The following FHOD3 variants were observed in gnomAD, a reference collection of about 807,000 sequenced individuals.
FHOD3 encodes formin homology 2 domain containing 3.
In FHOD3, 90 loss-of-function variants were observed where a neutral mutation model predicts 173.0. That is an observed-to-expected ratio of 0.52 (90% CI 0.44 to 0.62). FHOD3 has a LOEUF of 0.62. Ranked by LOEUF, FHOD3 falls within the 20% of genes least tolerant of loss-of-function variation. FHOD3 has a pLI of 0.00. For synonymous variants in FHOD3, 828 were observed against 823.0 expected (o/e 1.01, Z -0.10); for missense variants, 1,945 against 2,034.7 (o/e 0.96, Z 0.85).
intron 27 of FHOD3, among the ~76,000 whole-genome samples, chr18:36,762,865 A>T (rs1438433167): frequency 6.8e-6 from 1 of 147,596 alleles, no homozygotes; most frequent in Admixed American, 6.8e-5. Context: ...TATTATATAC[A>T]TAATATATAA....
chr18:36,300,688 T>G (rs139704400), intron 1 of FHOD3, among the ~76,000 whole-genome samples: 4 of 151,956 alleles, frequency 2.6e-5, no homozygotes, highest in Non-Finnish European at 5.9e-5. Context: ...ACACTCAGAG[T>G]GCTCTCAGCT....
chr18:36,456,203 C>A (rs2052202004), intron 3 of FHOD3, among the ~76,000 whole-genome samples: 1 of 152,138 alleles, frequency 6.6e-6, no homozygotes, highest in South Asian at 2.1e-4. Context: ...CCATGGGCCT[C>A]AAACAAATCC....
chr18:36,747,950 C>T (rs1309768971), intron 24 of FHOD3, among the ~76,000 whole-genome samples: 1 of 152,054 alleles, frequency 6.6e-6, no homozygotes, highest in Non-Finnish European at 1.5e-5. Context: ...CTTCTTTCAC[C>T]TTCCTTAAGC....
intron 10 of FHOD3, among the ~76,000 whole-genome samples, chr18:36,649,030 G>A (rs569525605): frequency 6.6e-6 from 1 of 152,226 alleles, no homozygotes; most frequent in East Asian, 1.9e-4. Flanking sequence ...GGGGGTGCAG[G>A]GTAGTGGCAT....
chr18:36,439,432 A>G (rs2050999199), intron 3 of FHOD3, among the ~76,000 whole-genome samples: 1 of 152,144 alleles, frequency 6.6e-6, no homozygotes, highest in Admixed American at 6.6e-5. Context: ...GAATCCTCCC[A>G]CACTCTAGGA....
chr18:36,608,916 T>C (rs957586307), intron 8 of FHOD3, among the ~76,000 whole-genome samples: 1 of 152,220 alleles, frequency 6.6e-6, no homozygotes, highest in African/African-American at 2.4e-5. Flanking sequence ...TGAAGGAGAT[T>C]TGTGTGTTTA....
At chr18:36,610,915 T>C (rs2032609433) in intron 8 of FHOD3, among the ~76,000 whole-genome samples, 1 of 152,250 alleles carries the variant, frequency 6.6e-6, no homozygotes, top group Admixed American at 6.5e-5. Context: ...TCGCTTCCTG[T>C]TGCCTCAGGC....
At chr18:36,465,879 C>T (rs1341968948) in intron 3 of FHOD3, among the ~76,000 whole-genome samples, 1 of 152,098 alleles carries the variant, frequency 6.6e-6, no homozygotes, top group Non-Finnish European at 1.5e-5. Context: ...TTAGATTCTC[C>T]TCCCTCTTCT....
In FHOD3 at chr18:36,779,865, A is replaced by G; in HGVS notation, c.*335A>G. On this transcript the variant is annotated 3_prime_UTR_variant, in exon 29 of 29. Transcript: ENST00000590592. Reference sequence around the variant, plus strand: ...CTTCTGTCACAGTTATTATGGTAATATGAGGCAATCTGATTAGCTTCACAG... The same window carrying G: ...CTTCTGTCACAGTTATTATGGTAATGTGAGGCAATCTGATTAGCTTCACAG... The G allele has an allele frequency of 4.5e-6, 2 of 445,784 alleles. No homozygotes were observed. Among genetic ancestry groups the G allele is most frequent in the Admixed American group, 3.9e-5 (1 of 25,580 alleles). 27.6% of individuals were successfully genotyped at this position (445,784 alleles called of 1,614,324 possible). A position where few individuals can be genotyped will look rare whatever the true frequency, so the allele number is the denominator to read the frequency against.
chr18:36,712,580 A>G (rs947379606), intron 18 of FHOD3, among the ~76,000 whole-genome samples: 2 of 152,180 alleles, frequency 1.3e-5, no homozygotes, highest in Non-Finnish European at 2.9e-5. Context: ...TGAATGACAG[A>G]AAAAAAGAGA....
Position 36,460,997 on chromosome 18 carries a change from C to T in FHOD3, c.338-40935C>T, listed in dbSNP as rs142652613. 2.7e-3 allele frequency among the ~76,000 whole-genome samples: 411 copies of T among 152,224 alleles called. 4 individuals are homozygous for T. The highest frequency in any genetic ancestry group is 9.5e-3 in the African/African-American group (396 of 41,524). On this transcript the variant is annotated intron_variant, in intron 3 of 28. Coordinates refer to ENST00000590592, the MANE Select transcript of FHOD3 (RefSeq NM_001281740.3). ...TGGTAATTATGGGGGCCAAGACCTT[C>T]GGAGCGGTGCACAGGATGCAGGTTG...
Position 36,718,136 on chromosome 18 carries a change from T to G in FHOD3, c.2838T>G (p.Ser946Arg), listed in dbSNP as rs950727997. 6.9e-6 allele frequency: 11 copies of G among 1,605,356 alleles called. No individual in the cohort carries two copies. The highest frequency in any genetic ancestry group is 9.4e-6 in the Non-Finnish European group (11 of 1,175,504). ...AAGCATTTGCTGAGAAATTCAACAG[T>G]GGGGACCTGGGGAGAGGTTCCATCT... The part of the protein sequence containing the change: ...SVKAFAEKFN[S>R]GDLGRGSISP... Residue 946 changes from serine (S) to arginine (R), a missense_variant, in exon 19 of 29, where the codon AGT becomes AGG. Coordinates refer to ENST00000590592, the MANE Select transcript of FHOD3 (RefSeq NM_001281740.3).
At chr18:36,713,685 G>A (rs567977866) in intron 18 of FHOD3, among the ~76,000 whole-genome samples, 1 of 152,188 alleles carries the variant, frequency 6.6e-6, no homozygotes, top group Admixed American at 6.5e-5. Flanking sequence ...AATATTTAAG[G>A]TGATGGATAT....
In FHOD3 at chr18:36,630,649, G is replaced by A. The variant is rs16968079; in HGVS notation, c.1196+4900G>A. ...GTCTACATCCAGGCTTCACGAACCT[G>A]TTCAGAGGAAGAGGAACCTGGCACA... On this transcript the variant is annotated intron_variant, in intron 10 of 28. Coordinates refer to ENST00000590592, the MANE Select transcript of FHOD3 (RefSeq NM_001281740.3). Among the ~76,000 whole-genome samples the A allele has an allele frequency of 6.3e-3, 955 of 152,328 alleles. 10 individuals carry two copies. The highest frequency in any genetic ancestry group is 0.021 in the African/African-American group (880 of 41,578).
At chr18:36,474,929 C>T (rs901967485) in intron 3 of FHOD3, among the ~76,000 whole-genome samples, 2 of 151,324 alleles carry the variant, frequency 1.3e-5, no homozygotes, top group Non-Finnish European at 1.5e-5. Context: ...TGACTTTTCG[C>T]TAGTTTTGGG....
intron 16 of FHOD3, among the ~76,000 whole-genome samples, chr18:36,689,026 C>A (rs893974894): frequency 6.6e-6 from 1 of 152,168 alleles, no homozygotes; most frequent in Non-Finnish European, 1.5e-5. Flanking sequence ...TCCCTTGAAG[C>A]CACCTCTCTG....
chr18:36,339,358 A>G (rs931562127), intron 1 of FHOD3, among the ~76,000 whole-genome samples: 1 of 152,142 alleles, frequency 6.6e-6, no homozygotes, highest in African/African-American at 2.4e-5. Context: ...CCCAACAGGA[A>G]GTGTTGAGTG....
chr18:36,363,278 G>A (rs553928209), intron 2 of FHOD3, among the ~76,000 whole-genome samples: 2 of 152,288 alleles, frequency 1.3e-5, no homozygotes, highest in South Asian at 4.1e-4. Context: ...CATACAATTT[G>A]GCAATCGTGC....
intron 13 of FHOD3, among the ~76,000 whole-genome samples, chr18:36,656,314 A>G (rs957932551): frequency 1.4e-4 from 22 of 152,324 alleles, no homozygotes; most frequent in Admixed American, 3.3e-4. Context: ...TGGAGAAGCA[A>G]TTAACCTGTT....
Sources: gnomAD v4.1 joint callset for allele counts (sites outside exome capture counted in the v4.1 genomes callset) on GRCh38, gnomAD v4.1.1 for gene constraint, MANE v1.5 for transcripts, NCBI Gene and HGNC (gene_info 2026-07-23, HGNC 2026-07-21) for gene names.